The following SPAG6 variants were observed in gnomAD, a reference collection of about 807,000 sequenced individuals.
SPAG6 encodes sperm associated antigen 6, also known as sperm-associated antigen 6.
SPAG6 carries 49 observed loss-of-function variants against 58.5 expected under a neutral mutation model. The observed-to-expected ratio is 0.84, with a 90% CI of 0.67 to 1.06. SPAG6 has a LOEUF of 1.06. SPAG6 is among the 50% of genes least tolerant of loss of function. SPAG6 has a pLI of 0.00. For synonymous variants in SPAG6, 233 were observed against 225.6 expected (o/e 1.03, Z -0.29); for missense variants, 560 against 611.3 (o/e 0.92, Z 0.89).
Position 22,385,590 on chromosome 10 carries a change from G to A in SPAG6, c.473-1164G>A, listed in dbSNP as rs546343971. On this transcript the variant is annotated intron_variant, in intron 4 of 10. Coordinates refer to ENST00000376624, the MANE Select transcript of SPAG6 (RefSeq NM_012443.4). ...TTCCATTAATACTTGTTTAATGGAA[G>A]AATGAATGAACTGTTTATACAATAT... Among the ~76,000 whole-genome samples the A allele has an allele frequency of 7.9e-5, 12 of 152,270 alleles. No individual in the cohort carries two copies. The South Asian group carries it at 2.5e-3, about 32-fold the overall frequency.
chr10:22,401,012 TTTTGG>T, intron 8 of SPAG6, 144 bp from the exon 9 acceptor site: 1 of 579,272 alleles, frequency 1.7e-6, no homozygotes, highest in South Asian at 2.3e-5. Context: ...CAGGAGTTTT[TTTTGG>T]ACAACAATTT....
At chr10:22,377,795 G>C (rs778797757) in intron 4 of SPAG6, among the ~76,000 whole-genome samples, 14 of 152,090 alleles carry the variant, frequency 9.2e-5, no homozygotes, top group Non-Finnish European at 1.9e-4. Context: ...ACCTGTTCTA[G>C]AGAATCCCAT....
In SPAG6 at chr10:22,346,145, A is replaced by G. The variant is rs566519977; in HGVS notation, c.121+327A>G. The G allele has an allele frequency of 1.1e-5, 15 of 1,330,170 alleles. No individual in the cohort carries two copies. In the African/African-American group the frequency reaches 2.1e-4, roughly 19 times the overall value. 82.4% of individuals were successfully genotyped at this position (1,330,170 alleles called of 1,614,324 possible). ...ATGAGACCCATTTTATCCAAGTGCC[A>G]TTTTGCATGCCACCCTGCCTTTGAT... On this transcript the variant is annotated intron_variant, in intron 2 of 10. Coordinates refer to ENST00000376624, the MANE Select transcript of SPAG6 (RefSeq NM_012443.4).
chr10:22,381,878 A>C (rs1030274303), intron 4 of SPAG6, among the ~76,000 whole-genome samples: 2 of 152,218 alleles, frequency 1.3e-5, no homozygotes, highest in African/African-American at 2.4e-5. Flanking sequence ...TTAAACCTAA[A>C]GTCATACTGA....
intron 4 of SPAG6, among the ~76,000 whole-genome samples, chr10:22,384,590 G>A (rs1251406274): frequency 6.6e-6 from 1 of 152,134 alleles, no homozygotes; most frequent in East Asian, 1.9e-4. Context: ...TGCTACTCAA[G>A]AGCAGTAGAA....
chr10:22,413,050 A>C (rs1377940856), intron 10 of SPAG6: 2 of 147,434 alleles, frequency 1.4e-5, no homozygotes, highest in African/African-American at 2.6e-5. Context: ...TTTTGTTACA[A>C]AGTTACAGAA....
intron 9 of SPAG6, among the ~76,000 whole-genome samples, chr10:22,403,220 G>T (rs541056022): frequency 1.7e-3 from 261 of 152,146 alleles, no homozygotes; most frequent in Non-Finnish European, 2.8e-3. Flanking sequence ...TGCCGTGCTG[G>T]TGCGTTGCAC....
At chr10:22,410,961 A>G in intron 9 of SPAG6, 70 bp from the exon 10 acceptor site, 20 of 1,483,940 alleles carry the variant, frequency 1.3e-5, no homozygotes, top group Non-Finnish European at 1.8e-5. Flanking sequence ...CACATACAGT[A>G]TTGCTTTTCA....
At chr10:22,359,384 T>G (rs1466736366) in intron 2 of SPAG6, 13 of 342,688 alleles carry the variant, frequency 3.8e-5, no homozygotes, top group Non-Finnish European at 5.4e-5. Flanking sequence ...TCTAACATAT[T>G]TTATAAATTT....
intron 2 of SPAG6, among the ~76,000 whole-genome samples, chr10:22,363,460 G>A (rs555635853): frequency 2.0e-5 from 3 of 152,290 alleles, no homozygotes; most frequent in Non-Finnish European, 4.4e-5. Flanking sequence ...TGCCTGCAGC[G>A]CTTACCAGCC....
At chr10:22,408,679 C>T (rs945076874) in intron 9 of SPAG6, among the ~76,000 whole-genome samples, 17 of 152,226 alleles carry the variant, frequency 1.1e-4, no homozygotes, top group Non-Finnish European at 1.9e-4. Flanking sequence ...TGGAGCTTCC[C>T]AGCTGCTTTG....
intron 4 of SPAG6, among the ~76,000 whole-genome samples, chr10:22,368,906 G>A (rs1181867473): frequency 1.3e-5 from 2 of 152,078 alleles, no homozygotes; most frequent in African/African-American, 2.4e-5. Context: ...ATTTGAAGAG[G>A]TGGAGAAAAG....
chr10:22,379,714 G>C (rs931983264), intron 4 of SPAG6, among the ~76,000 whole-genome samples: 1 of 152,342 alleles, frequency 6.6e-6, no homozygotes, highest in South Asian at 2.1e-4. Context: ...AATGTTTGCT[G>C]TTTTAAGCTG....
Position 22,391,993 on chromosome 10 carries a change from T to A in SPAG6, c.1197+73T>A, listed in dbSNP as rs186212827. 2.2e-4 allele frequency: 214 copies of A among 979,966 alleles called. No individual in the cohort carries two copies. In the African/African-American group the frequency reaches 3.1e-3, roughly 14 times the overall value. The allele number at this position is 979,966 out of a possible 1,614,324, so 60.7% of individuals were successfully genotyped here. On this transcript the variant is annotated intron_variant, in intron 8 of 10. Transcript: ENST00000376624. ...TATGTCATTTCAAATCTCTTTGTTT[T>A]CATCATGGACAATATTGTTTTATGA...
intron 2 of SPAG6, among the ~76,000 whole-genome samples, chr10:22,359,874 C>T (rs913142788): frequency 5.9e-5 from 9 of 151,902 alleles, no homozygotes; most frequent in Admixed American, 3.3e-4. Context: ...CATAGGTAAA[C>T]GTTGTTGGGG....
At chr10:22,380,363 A>G (rs1242476177) in intron 4 of SPAG6, among the ~76,000 whole-genome samples, 1 of 151,544 alleles carries the variant, frequency 6.6e-6, no homozygotes, top group Non-Finnish European at 1.5e-5. Context: ...AAGTGAAGCA[A>G]CGTGATCTTG....
At chr10:22,361,929 A>G (rs2054206620) in intron 2 of SPAG6, among the ~76,000 whole-genome samples, 1 of 150,034 alleles carries the variant, frequency 6.7e-6, no homozygotes, top group African/African-American at 2.4e-5. Flanking sequence ...ATTCAATATG[A>G]AAAATTTCAA....
intron 9 of SPAG6, among the ~76,000 whole-genome samples, chr10:22,402,424 C>G (rs1307396673): frequency 6.6e-6 from 1 of 152,110 alleles, no homozygotes; most frequent in Non-Finnish European, 1.5e-5. Flanking sequence ...TTAAAGTAGT[C>G]CCTACAGATA....
chr10:22,414,258 C>G (rs1030627987), intron 10 of SPAG6, among the ~76,000 whole-genome samples: 14 of 152,060 alleles, frequency 9.2e-5, no homozygotes, highest in African/African-American at 3.1e-4. Flanking sequence ...CTCTGTGGGT[C>G]TAGGATAAGG....
Sources: gnomAD v4.1 joint callset for allele counts (sites outside exome capture counted in the v4.1 genomes callset) on GRCh38, gnomAD v4.1.1 for gene constraint, MANE v1.5 for transcripts, NCBI Gene and HGNC (gene_info 2026-07-23, HGNC 2026-07-21) for gene names.